ANPEP: variants seen among roughly 807,000 people sequenced by gnomAD.
ANPEP encodes the protein alanyl aminopeptidase, membrane.
ANPEP carries 70 observed loss-of-function variants against 114.6 expected under a neutral mutation model. That is an observed-to-expected ratio of 0.61 (90% CI 0.50 to 0.75). The LOEUF (loss-of-function observed/expected upper bound fraction) is 0.75, where lower values mean the gene tolerates loss of function less well. Ranked by LOEUF, ANPEP falls within the 30% of genes least tolerant of loss-of-function variation. ANPEP has a pLI of 0.00. For synonymous variants in ANPEP, 548 were observed against 522.3 expected, an observed-to-expected ratio of 1.05 and a Z score of -0.67; for missense variants, 1,184 against 1,259.5, an observed-to-expected ratio of 0.94 and a Z score of 0.91.
chr15:89,808,021 A>G (rs1018467315), intron 1 of ANPEP, among the ~76,000 whole-genome samples: 2 of 152,110 alleles, frequency 1.3e-5, no homozygotes, highest in Non-Finnish European at 2.9e-5. Flanking sequence ...AACCTGCTCA[A>G]CACAAATTGG....
intron 18 of ANPEP, 151 bp from the exon 19 acceptor site, chr15:89,791,244 C>G: frequency 2.4e-6 from 2 of 850,786 alleles, no homozygotes; most frequent in Non-Finnish European, 1.8e-6. Context: ...CTTCTTCCCT[C>G]TATAGATGGA....
At chr15:89,802,906 G>C (rs1475706491) in intron 10 of ANPEP, among the ~76,000 whole-genome samples, 2 of 152,058 alleles carry the variant, frequency 1.3e-5, no homozygotes, top group Non-Finnish European at 2.9e-5. Flanking sequence ...GGAGAAGGTT[G>C]AATGTCAGGC....
In ANPEP at chr15:89,813,995, G is replaced by GGC. The variant is rs1555442954; in HGVS notation, c.-224+776_-224+777insGC. ...CGTCCCTGCCCACCGCACTGCTGGGGGGGGGGGGTGCGTTCTGGAGTCATT... is the reference window on the plus strand; with the variant it reads ...CGTCCCTGCCCACCGCACTGCTGGGGGCGGGGGGGGTGCGTTCTGGAGTCATT... On this transcript the variant is annotated intron_variant, in intron 1 of 20. Transcript: ENST00000300060. 3.4e-3 allele frequency among the ~76,000 whole-genome samples: 492 copies of GGC among 146,218 alleles called. 41 individuals carry two copies. The highest frequency in any genetic ancestry group is 0.012 in the African/African-American group (470 of 39,870).
rs79644074 is a variant in ANPEP, at chr15:89,801,834, C to T, written c.1570-227G>A. Among the ~76,000 whole-genome samples, 72 of 152,332 alleles carry T rather than the reference C, an allele frequency of 4.7e-4. 2 individuals carry two copies. The East Asian group carries it at 8.5e-3, about 18-fold the overall frequency. On this transcript the variant is annotated intron_variant, in intron 10 of 20. Transcript: ENST00000300060. ...AACTTCCCAGCAAATCTATGAGGCC[C>T]TCCATTCTGTGGTCCACCCTGAGGT...
intron 18 of ANPEP, 57 bp downstream of exon 18, chr15:89,792,103 C>T (rs1968638725): frequency 2.5e-6 from 4 of 1,573,122 alleles, no homozygotes; most frequent in Admixed American, 1.7e-5. Context: ...TGGAGGCCTG[C>T]CTGGTTCTCC....
chr15:89,790,663 C>T (rs941051866), intron 19 of ANPEP, 122 bp from the exon 20 acceptor site: 1 of 908,644 alleles, frequency 1.1e-6, no homozygotes, highest in Non-Finnish European at 1.7e-6. Flanking sequence ...CTGGGAGACC[C>T]CACTAGGATG....
At position 89,803,226 on chromosome 15, in the gene ANPEP, G is replaced by A. The variant is rs1297699039; in HGVS notation, c.1569+13C>T. The A allele has an allele frequency of 1.9e-6, 3 of 1,613,246 alleles. No individual in the cohort carries two copies. Among genetic ancestry groups the A allele is most frequent in the Non-Finnish European group, 1.7e-6 (2 of 1,179,274 alleles). ...CCAACAGGATGGCTGTGGAGGGGCT[G>A]GCTGCTACTGACCTCCTGCAGGTGG... On this transcript the variant is annotated intron_variant, in intron 10 of 20. Transcript: ENST00000300060. The surrounding 1 kb of genome is among the most constrained non-coding windows in gnomAD (Gnocchi z 4.2).
At chr15:89,790,620 G>A (rs17239917) in intron 19 of ANPEP, 79 bp from the exon 20 acceptor site, 212,297 of 1,290,230 alleles carry the variant, frequency 0.16, 19,164 homozygotes, top group Middle Eastern at 0.23. Flanking sequence ...TGGGTAGGGA[G>A]CCATGATTAT....
intron 6 of ANPEP, 111 bp from the exon 7 acceptor site, chr15:89,804,113 C>A (rs1894656209): frequency 6.5e-7 from 1 of 1,544,756 alleles, no homozygotes; most frequent in Admixed American, 1.7e-5. Context: ...GGGATTTCAA[C>A]ACCATCGTGA....
intron 20 of ANPEP, among the ~76,000 whole-genome samples, chr15:89,790,141 A>ATG (rs142705448): frequency 0.38 from 57,393 of 150,248 alleles, 11,451 homozygotes; most frequent in African/African-American, 0.46. Flanking sequence ...AAATTACATG[A>ATG]TCAGTGATTT....
At position 89,805,316 on chromosome 15, in the gene ANPEP, C is replaced by A; in HGVS notation, c.757+5G>T. On this transcript the variant is annotated splice_donor_5th_base_variant and intron_variant, in intron 3 of 20. Transcript: ENST00000300060. The stretch of plus-strand genomic sequence containing the variant: ...GCCCTGTGGCCGCAGGCAGGGCCCA[C>A]TCACCTTTGGGAAGCATGTTGGACA... 6.2e-7 allele frequency: 1 copy of A among 1,613,536 alleles called. No individual in the cohort carries two copies. The highest frequency in any genetic ancestry group is 8.5e-7 in the Non-Finnish European group (1 of 1,179,566).
chr15:89,791,859 G>A (rs1371662448), intron 18 of ANPEP, among the ~76,000 whole-genome samples: 1 of 152,088 alleles, frequency 6.6e-6, no homozygotes, highest in Admixed American at 6.5e-5. Context: ...CTGGATGTTT[G>A]AAAAGACCCA....
chr15:89,798,636 C>CAAAAAAAAA (rs147807261), intron 14 of ANPEP, among the ~76,000 whole-genome samples: 1 of 138,740 alleles, frequency 7.2e-6, no homozygotes, highest in Non-Finnish European at 1.6e-5. Context: ...GACTCCATCT[C>CAAAAAAAAA]AAAAAAAAAA....
intron 15 of ANPEP, among the ~76,000 whole-genome samples, chr15:89,797,037 G>A (rs931089178): frequency 6.6e-6 from 1 of 152,186 alleles, no homozygotes; most frequent in African/African-American, 2.4e-5. Flanking sequence ...GGGAGCCTCA[G>A]CCCTCAAATA....
chr15:89,804,490 C>T lies in ANPEP; in HGVS notation c.1024+1G>A, dbSNP rs1894666645. On this transcript the variant is annotated splice_donor_variant, in intron 5 of 20. Transcript: ENST00000300060. LOFTEE classifies it high-confidence loss of function. ...CTCCCTCCTCAAGGACCCCCACTCA[C>T]CTGATTTTGGGAGTGGGTAGGGTGT... is the stretch of plus-strand genomic sequence containing the variant. The T allele has an allele frequency of 6.2e-7, 1 of 1,614,218 alleles. No individual in the cohort carries two copies. The highest frequency in any genetic ancestry group is 8.5e-7 in the Non-Finnish European group (1 of 1,180,036).
At position 89,807,367 on chromosome 15, in the gene ANPEP, A is replaced by C. The variant is rs113521571; in HGVS notation, c.-223-561T>G. Among the ~76,000 whole-genome samples the C allele has an allele frequency of 8.3e-3, 1,260 of 152,326 alleles. 16 individuals carry two copies. Among genetic ancestry groups the C allele is most frequent in the African/African-American group, 0.029 (1,207 of 41,562 alleles). ...CCTCTCAGGTTTGTTGAACAGATTT[A>C]GTGAGAAAACATATTAAACACCAAA... is the stretch of plus-strand genomic sequence containing the variant. On this transcript the variant is annotated intron_variant, in intron 1 of 20. Coordinates refer to ENST00000300060, the MANE Select transcript of ANPEP (RefSeq NM_001150.3).
At position 89,805,376 on chromosome 15, in the gene ANPEP, G is replaced by C. The variant is rs1338821581; in HGVS notation, c.702C>G (p.Asn234Lys). Residue 234 changes from asparagine to lysine, a missense_variant, in exon 3 of 21, where the codon AAC (asparagine) becomes AAG (lysine). Coordinates refer to ENST00000300060, the MANE Select transcript of ANPEP (RefSeq NM_001150.3). ...FDEPAMKAEF[N>K]ITLIHPKDLT... ...GGTCCTTGGGGTGGATAAGCGTGAT[G>C]TTGAACTCGGCCTTCATGGCCGGCT... The C allele has an allele frequency of 1.2e-6, 2 of 1,614,060 alleles. No homozygotes were observed. The highest frequency in any genetic ancestry group is 2.7e-5 in the African/African-American group (2 of 74,928).
intron 20 of ANPEP, among the ~76,000 whole-genome samples, chr15:89,786,283 A>T (rs1443260451): frequency 6.6e-6 from 1 of 152,162 alleles, no homozygotes; most frequent in Non-Finnish European, 1.5e-5. Context: ...AAGAAAAAAG[A>T]CCCAAATAAA....
Position 89,804,513 on chromosome 15 carries a change from T to A in ANPEP, c.1002A>T (p.Thr334=), listed in dbSNP as rs1596169000. 6.2e-7 allele frequency: 1 copy of A among 1,614,002 alleles called. No homozygotes were observed. The highest frequency in any genetic ancestry group is 1.3e-5 in the African/African-American group (1 of 74,880). ...ILNFFAGHYD[T]PYPLPKSDQI... ...CACCTGATTTTGGGAGTGGGTAGGG[T>A]GTGTCATAATGACCAGCAAAGAAGT... is the stretch of plus-strand genomic sequence containing the variant. The change falls in exon 5 of 21, where the codon ACA becomes ACT. Residue 334 remains threonine, a synonymous_variant. Transcript: ENST00000300060.
Sources: gnomAD v4.1 joint callset for allele counts (sites outside exome capture counted in the v4.1 genomes callset) on GRCh38, gnomAD v4.1.1 for gene constraint, Gnocchi (gnomAD v3.1) non-coding constraint, MANE v1.5 for transcripts, NCBI Gene and HGNC (gene_info 2026-07-23, HGNC 2026-07-21) for gene names.